The following PRIM2 variants were observed in gnomAD, a reference collection of about 807,000 sequenced individuals.
PRIM2 encodes the protein DNA primase large subunit.
A neutral mutation model predicts 67.3 loss-of-function variants in PRIM2; 39 were observed. That is an observed-to-expected ratio of 0.58 (90% CI 0.45 to 0.76). The LOEUF (loss-of-function observed/expected upper bound fraction) is 0.76, where lower values mean the gene tolerates loss of function less well. Among genes scored for constraint, PRIM2 ranks in the 30% least tolerant of loss-of-function variants. The pLI, the probability that PRIM2 is intolerant of heterozygous loss-of-function variation, is 0.00. For synonymous variants in PRIM2, 143 were observed against 198.7 expected, an observed-to-expected ratio of 0.72 and a Z score of 2.36; for missense variants, 398 against 598.7, an observed-to-expected ratio of 0.66 and a Z score of 3.50.
intron 7 of PRIM2, among the ~76,000 whole-genome samples, chr6:57,478,326 G>GTTTTTTTTTTGTTTTT (rs1773528220): frequency 7.5e-6 from 1 of 133,728 alleles, no homozygotes; most frequent in Non-Finnish European, 1.6e-5. Flanking sequence ...TTGTGGTTGT[G>GTTTTTTTTTTGTTTTT]TTTTTTTTTT....
intron 7 of PRIM2, among the ~76,000 whole-genome samples, chr6:57,488,705 A>G (rs1174985173): frequency 2.0e-5 from 3 of 152,180 alleles, no homozygotes; most frequent in African/African-American, 7.2e-5. Context: ...CTGAAGAGAT[A>G]CACGACTCAC....
At chr6:57,355,631 A>G (rs1192884022) in intron 5 of PRIM2, among the ~76,000 whole-genome samples, 2 of 152,140 alleles carry the variant, frequency 1.3e-5, no homozygotes, top group East Asian at 3.9e-4. Flanking sequence ...AGGGAAACCA[A>G]GGCAGAAACT....
At chr6:57,627,392 G>C (rs1191578704) in intron 12 of PRIM2, among the ~76,000 whole-genome samples, 4 of 141,756 alleles carry the variant, frequency 2.8e-5, no homozygotes, top group South Asian at 2.3e-4. Flanking sequence ...TTCTTTCTTT[G>C]TTTTGTTTTT....
intron 9 of PRIM2, among the ~76,000 whole-genome samples, chr6:57,536,589 C>T (rs1341837159): frequency 2.0e-5 from 3 of 152,148 alleles, no homozygotes; most frequent in African/African-American, 7.2e-5. Flanking sequence ...CTGGAAACAA[C>T]CCAAGTGTTC....
At chr6:57,367,400 A>G (rs1470819824) in intron 5 of PRIM2, among the ~76,000 whole-genome samples, 1 of 152,216 alleles carries the variant, frequency 6.6e-6, no homozygotes, top group Admixed American at 6.5e-5. Context: ...TACAGATAGA[A>G]AAAAATGTTT....
chr6:57,458,026 G>A (rs539665728), intron 7 of PRIM2, among the ~76,000 whole-genome samples: 7 of 152,198 alleles, frequency 4.6e-5, no homozygotes, highest in African/African-American at 7.2e-5. Context: ...TCCTTTGCTC[G>A]TTACACAGTT....
At chr6:57,470,855 T>C (rs1773321598) in intron 7 of PRIM2, among the ~76,000 whole-genome samples, 2 of 152,178 alleles carry the variant, frequency 1.3e-5, no homozygotes, top group Middle Eastern at 3.2e-3. Context: ...TTTGGCACTT[T>C]AGTTGTCCCT....
intron 10 of PRIM2, among the ~76,000 whole-genome samples, chr6:57,566,168 A>G (rs1293310185): frequency 7.5e-6 from 1 of 133,914 alleles, no homozygotes; most frequent in Non-Finnish European, 1.6e-5. Context: ...GTTACTGTAT[A>G]ACCCATTTTT....
At chr6:57,608,376 C>G (rs1776598699) in intron 12 of PRIM2, among the ~76,000 whole-genome samples, 1 of 151,936 alleles carries the variant, frequency 6.6e-6, no homozygotes, top group South Asian at 2.1e-4. Context: ...ATGGTGGAAA[C>G]CAAAAGCAAG....
At chr6:57,547,186 C>T (rs1355040388) in intron 10 of PRIM2, among the ~76,000 whole-genome samples, 3 of 152,038 alleles carry the variant, frequency 2.0e-5, no homozygotes, top group Admixed American at 2.0e-4. Context: ...AGCCTGTCTA[C>T]CTGAAAAAAG....
At chr6:57,500,037 C>G (rs1476892653) in intron 7 of PRIM2, among the ~76,000 whole-genome samples, 16 of 152,094 alleles carry the variant, frequency 1.1e-4, no homozygotes. Context: ...CCTTCATTTC[C>G]CACCTTCCTC....
the PRIM2 span, among the ~76,000 whole-genome samples, chr6:57,229,389 A>G: frequency 6.6e-6 from 1 of 152,024 alleles, no homozygotes; most frequent in African/African-American, 2.4e-5. Flanking sequence ...AATTTTCCAC[A>G]TGTTCTCTGT....
intron 10 of PRIM2, among the ~76,000 whole-genome samples, chr6:57,567,027 C>T (rs1423633432): frequency 3.3e-5 from 5 of 152,042 alleles, no homozygotes; most frequent in African/African-American, 9.7e-5. Flanking sequence ...TGCTTACAAC[C>T]GTGCCTTGTA....
At chr6:57,334,166 T>C (rs1412828057) in intron 5 of PRIM2, among the ~76,000 whole-genome samples, 1 of 152,340 alleles carries the variant, frequency 6.6e-6, no homozygotes, top group South Asian at 2.1e-4. Flanking sequence ...GACATATTTG[T>C]CTTTCTGTGC....
chr6:57,621,130 C>G (rs1301105662), intron 12 of PRIM2, among the ~76,000 whole-genome samples: 3 of 152,172 alleles, frequency 2.0e-5, no homozygotes, highest in Non-Finnish European at 4.4e-5. Context: ...ATACCACAGA[C>G]CAGCTAATTT....
At chr6:57,427,032 T>C (rs1346589371) in intron 7 of PRIM2, among the ~76,000 whole-genome samples, 1 of 152,198 alleles carries the variant, frequency 6.6e-6, no homozygotes, top group East Asian at 1.9e-4. Flanking sequence ...ATTTTCGGCT[T>C]GTGTGAAAAT....
intron 8 of PRIM2, among the ~76,000 whole-genome samples, chr6:57,522,085 C>T (rs1554348976): frequency 7.3e-5 from 11 of 151,614 alleles, no homozygotes; most frequent in Middle Eastern, 3.2e-3. Flanking sequence ...TTCAGGTTAC[C>T]GCCAAGCTAA....
intron 6 of PRIM2, among the ~76,000 whole-genome samples, chr6:57,381,346 G>C (rs74293819): frequency 1.3e-5 from 2 of 151,794 alleles, no homozygotes; most frequent in Non-Finnish European, 2.9e-5. Context: ...TTTTAACCTC[G>C]TTTTTTAAAA....
chr6:57,300,111 A>C, the PRIM2 span, among the ~76,000 whole-genome samples: 2 of 152,216 alleles, frequency 1.3e-5, no homozygotes, highest in Non-Finnish European at 1.5e-5. Context: ...TAATTTCAAA[A>C]ATAACTTACA....
Sources: gnomAD v4.1 joint callset for allele counts (sites outside exome capture counted in the v4.1 genomes callset) on GRCh38, gnomAD v4.1.1 for gene constraint, MANE v1.5 for transcripts, NCBI Gene and HGNC (gene_info 2026-07-23, HGNC 2026-07-21) for gene names.